Variants in GRAMD2B observed in about 807,000 individuals in gnomAD.
GRAMD2B encodes the protein GRAM domain containing 2B, also known as GRAM domain-containing protein 2B.
A neutral mutation model predicts 59.2 loss-of-function variants in GRAMD2B; 41 were observed. The observed-to-expected ratio is 0.69, with a 90% CI of 0.54 to 0.90. The LOEUF (loss-of-function observed/expected upper bound fraction) is 0.90, where lower values mean the gene tolerates loss of function less well. Among genes scored for constraint, GRAMD2B ranks in the 40% least tolerant of loss-of-function variants. The pLI is 0.00. For synonymous variants in GRAMD2B, 161 were observed against 182.7 expected (o/e 0.88, Z 0.96); for missense variants, 424 against 500.5 (o/e 0.85, Z 1.46).
intron 1 of GRAMD2B, among the ~76,000 whole-genome samples, chr5:126,456,599 A>G (rs1411217472): frequency 1.3e-5 from 2 of 152,174 alleles, no homozygotes; most frequent in Non-Finnish European, 2.9e-5. Context: ...GTTTATCAGT[A>G]TTAAACCTTA....
intron 1 of GRAMD2B, among the ~76,000 whole-genome samples, chr5:126,364,687 T>C (rs1398399620): frequency 1.3e-5 from 2 of 152,232 alleles, no homozygotes; most frequent in Non-Finnish European, 2.9e-5. Flanking sequence ...CCACTAGTGA[T>C]AGATCTATAA....
At chr5:126,371,254 A>C, upstream of GRAMD2B, 2 of 1,059,706 alleles carry the variant, frequency 1.9e-6, no homozygotes, top group Non-Finnish European at 2.3e-6. Flanking sequence ...GCCCTGTGTC[A>C]CACTGATATG....
intron 1 of GRAMD2B, among the ~76,000 whole-genome samples, chr5:126,426,827 G>A (rs180829190): frequency 1.1e-4 from 16 of 152,246 alleles, no homozygotes; most frequent in East Asian, 1.9e-4. Flanking sequence ...TTACTTGCCC[G>A]AGAGCTGTGG....
chr5:126,415,779 G>T (rs1759216115), intron 1 of GRAMD2B, among the ~76,000 whole-genome samples: 9 of 151,838 alleles, frequency 5.9e-5, no homozygotes, highest in Admixed American at 5.9e-4. Flanking sequence ...AAAGACTGGA[G>T]AAAAGATAAC....
intron 1 of GRAMD2B, among the ~76,000 whole-genome samples, chr5:126,412,505 G>A (rs1758893590): frequency 6.6e-6 from 1 of 152,126 alleles, no homozygotes; most frequent in African/African-American, 2.4e-5. Flanking sequence ...GCTGGATTCA[G>A]TTTGCTAGTA....
At chr5:126,366,380 G>A (rs1385598910), upstream of GRAMD2B, among the ~76,000 whole-genome samples, 1 of 152,142 alleles carries the variant, frequency 6.6e-6, no homozygotes, top group Non-Finnish European at 1.5e-5. Flanking sequence ...CACAGCTGTT[G>A]TCCCATTGAG....
intron 1 of GRAMD2B, among the ~76,000 whole-genome samples, chr5:126,388,188 C>T (rs1478847531): frequency 1.3e-5 from 2 of 152,054 alleles, no homozygotes; most frequent in African/African-American, 4.8e-5. Context: ...GCCTGACCAA[C>T]ATGGCGAAAT....
upstream of GRAMD2B, among the ~76,000 whole-genome samples, chr5:126,369,885 T>G (rs908503766): frequency 6.6e-6 from 1 of 152,216 alleles, no homozygotes; most frequent in Non-Finnish European, 1.5e-5. Context: ...GAAACTCCCA[T>G]GCAGGTTGTT....
At chr5:126,374,110 G>A (rs1754987977) in intron 1 of GRAMD2B, among the ~76,000 whole-genome samples, 1 of 152,168 alleles carries the variant, frequency 6.6e-6, no homozygotes, top group Admixed American at 6.5e-5. Context: ...CATACCTAGA[G>A]GAAATGTTCA....
At chr5:126,378,279 G>C (rs973238482) in intron 1 of GRAMD2B, among the ~76,000 whole-genome samples, 2 of 152,024 alleles carry the variant, frequency 1.3e-5, no homozygotes, top group Non-Finnish European at 2.9e-5. Flanking sequence ...ATATTATGAG[G>C]TTGTTGCCAT....
chr5:126,482,119 C>T (rs556229733), intron 8 of GRAMD2B, among the ~76,000 whole-genome samples: 1 of 152,172 alleles, frequency 6.6e-6, no homozygotes, highest in South Asian at 2.1e-4. Context: ...ATATCTTGAA[C>T]AGGAAAATCC....
chr5:126,390,785 C>T (rs1756658402), intron 1 of GRAMD2B, among the ~76,000 whole-genome samples: 1 of 152,280 alleles, frequency 6.6e-6, no homozygotes, highest in Non-Finnish European at 1.5e-5. Context: ...CAGACGTCTC[C>T]TCCTAAACTC....
intron 1 of GRAMD2B, among the ~76,000 whole-genome samples, chr5:126,438,605 C>T (rs1182417137): frequency 2.0e-5 from 3 of 152,012 alleles, no homozygotes; most frequent in African/African-American, 4.8e-5. Context: ...GTGTGAAATA[C>T]GAGCTGACGA....
chr5:126,446,523 G>A (rs1465251078), intron 1 of GRAMD2B, among the ~76,000 whole-genome samples: 5 of 151,160 alleles, frequency 3.3e-5, no homozygotes, highest in Admixed American at 6.6e-5. Context: ...AGCAGTAACC[G>A]TGACTGATTT....
At chr5:126,486,449 C>G (rs1172484233) in intron 11 of GRAMD2B, among the ~76,000 whole-genome samples, 1 of 152,186 alleles carries the variant, frequency 6.6e-6, no homozygotes, top group African/African-American at 2.4e-5. Flanking sequence ...AATAGCCTGA[C>G]CCAGTTCTAG....
chr5:126,478,701 C>T (rs1398164716), intron 6 of GRAMD2B, among the ~76,000 whole-genome samples: 2 of 152,044 alleles, frequency 1.3e-5, no homozygotes, highest in Non-Finnish European at 2.9e-5. Context: ...AGATCGAGCA[C>T]CACTGCACTC....
intron 1 of GRAMD2B, among the ~76,000 whole-genome samples, chr5:126,464,870 A>G (rs1768008488): frequency 1.3e-5 from 2 of 152,220 alleles, no homozygotes. Context: ...CTTAGGCAAG[A>G]TAGCAAGAGC....
At chr5:126,401,289 C>A (rs778963462) in intron 1 of GRAMD2B, among the ~76,000 whole-genome samples, 1 of 151,796 alleles carries the variant, frequency 6.6e-6, no homozygotes, top group African/African-American at 2.4e-5. Flanking sequence ...TTGTTTGGTT[C>A]TTTTTTATTA....
chr5:126,440,211 C>T (rs1763064358), intron 1 of GRAMD2B, among the ~76,000 whole-genome samples: 2 of 152,110 alleles, frequency 1.3e-5, no homozygotes, highest in South Asian at 4.1e-4. Flanking sequence ...AGTAAAACAA[C>T]ACACCTACTA....
Sources: gnomAD v4.1 joint callset for allele counts (sites outside exome capture counted in the v4.1 genomes callset) on GRCh38, gnomAD v4.1.1 for gene constraint, MANE v1.5 for transcripts, NCBI Gene and HGNC (gene_info 2026-07-23, HGNC 2026-07-21) for gene names.